The following TRIM2 variants were observed in gnomAD, a reference collection of about 807,000 sequenced individuals.
TRIM2 encodes the protein tripartite motif containing 2, also known as tripartite motif-containing protein 2.
Under a neutral mutation model 75.2 loss-of-function variants are expected in TRIM2, and 20 were observed. The observed-to-expected ratio is 0.27, with a 90% CI of 0.19 to 0.39. TRIM2 has a LOEUF of 0.39. Ranked by LOEUF, TRIM2 falls within the 10% of genes least tolerant of loss-of-function variation. The pLI, the probability that TRIM2 is intolerant of heterozygous loss-of-function variation, is 1.00. For synonymous variants in TRIM2, 373 were observed against 388.3 expected, an observed-to-expected ratio of 0.96 and a Z score of 0.46; for missense variants, 660 against 990.8, an observed-to-expected ratio of 0.67 and a Z score of 4.48.
rs563602440 is a variant in TRIM2 at position 153,309,319 on chromosome 4, T to C, written c.1511-6166T>C. On this transcript the variant is annotated intron_variant, in intron 6 of 11. Coordinates refer to ENST00000338700, the MANE Select transcript of TRIM2 (RefSeq NM_015271.5). ...TTCCCCCTGTCTCTGATGATCTCGGTAATGTGTCTAGCTTCAACTTTCTCA... is the reference window on the plus strand; with the variant it reads ...TTCCCCCTGTCTCTGATGATCTCGGCAATGTGTCTAGCTTCAACTTTCTCA... 2.0e-5 allele frequency among the ~76,000 whole-genome samples: 3 copies of C among 152,328 alleles called. No homozygotes were observed. In the East Asian group the frequency reaches 5.8e-4, roughly 29 times the overall value.
At chr4:153,222,626 G>A (rs1247929723) in intron 1 of TRIM2, 2 of 152,156 alleles carry the variant, frequency 1.3e-5, no homozygotes, top group African/African-American at 4.8e-5. Flanking sequence ...CCTCGCGGTT[G>A]ATGGAAAACA....
chr4:153,183,770 C>T (rs1158086316), intron 1 of TRIM2, among the ~76,000 whole-genome samples: 1 of 151,966 alleles, frequency 6.6e-6, no homozygotes. Context: ...TAGAAAGAGC[C>T]CAGGGGACCC....
upstream of TRIM2, among the ~76,000 whole-genome samples, chr4:153,203,964 G>A (rs542400987): frequency 6.6e-6 from 1 of 152,290 alleles, no homozygotes; most frequent in South Asian, 2.1e-4. Flanking sequence ...CTGTAGATGA[G>A]GTGAGTGCTC....
rs1448728110 is a variant in TRIM2, at chr4:153,315,960, T to C, written c.1743T>C (p.Asn581=). ...SGDIIIADYD[N]KWVSIFSSDG... is the part of the protein sequence containing the mutation. ...ACATAATCATTGCCGATTATGATAATAAATGGGTCAGCATTTTCTCCTCCG... is the reference window on the plus strand; with the variant it reads ...ACATAATCATTGCCGATTATGATAACAAATGGGTCAGCATTTTCTCCTCCG... The change falls in exon 8 of 12, where the codon AAT becomes AAC. Residue 581 remains asparagine, a synonymous_variant. Coordinates refer to ENST00000338700, the MANE Select transcript of TRIM2 (RefSeq NM_015271.5). The C allele has an allele frequency of 1.3e-6, 2 of 1,598,160 alleles. No individual in the cohort carries two copies. The highest frequency in any genetic ancestry group is 1.7e-6 in the Non-Finnish European group (2 of 1,173,726).
upstream of TRIM2, chr4:153,152,432 A>C (rs1203436935): frequency 2.3e-5 from 2 of 86,792 alleles, no homozygotes; most frequent in Admixed American, 2.2e-4. Flanking sequence ...ATATATATAC[A>C]CACATATATA....
At chr4:153,252,712 C>T (rs1213672919) in intron 1 of TRIM2, among the ~76,000 whole-genome samples, 1 of 152,152 alleles carries the variant, frequency 6.6e-6, no homozygotes, top group Admixed American at 6.5e-5. Context: ...GTTTCACTAT[C>T]TTGGCCAGGC....
chr4:153,339,308 GT>G lies in TRIM2; in HGVS notation c.*4346del, dbSNP rs1772833395. 1 of 490,996 alleles carries G rather than the reference GT, an allele frequency of 2.0e-6. No individual in the cohort carries two copies. The highest frequency in any genetic ancestry group is 2.1e-5 in the African/African-American group (1 of 47,420). 30.4% of individuals were successfully genotyped at this position (490,996 alleles called of 1,614,324 possible). On this transcript the variant is annotated 3_prime_UTR_variant, in exon 12 of 12. Transcript: ENST00000338700. ...ATCTCAAATCATTATAATAAAGCTT[GT>G]TTTCTCCATTTGCAGAGTGAATATT...
At chr4:153,234,706 G>C (rs1744555906) in intron 1 of TRIM2, among the ~76,000 whole-genome samples, 1 of 152,170 alleles carries the variant, frequency 6.6e-6, no homozygotes, top group African/African-American at 2.4e-5. Context: ...GGTAGCATTA[G>C]GTGCTGTGCC....
intron 1 of TRIM2, among the ~76,000 whole-genome samples, chr4:153,195,174 C>G (rs564114233): frequency 6.6e-6 from 1 of 152,216 alleles, no homozygotes; most frequent in African/African-American, 2.4e-5. Flanking sequence ...GAGGGAAGGC[C>G]ATGTGAAGAC....
At chr4:153,333,979 C>T (rs1772053248) in intron 11 of TRIM2, among the ~76,000 whole-genome samples, 1 of 151,852 alleles carries the variant, frequency 6.6e-6, no homozygotes, top group African/African-American at 2.4e-5. Flanking sequence ...TTACAACCCA[C>T]TCTTTTCTAA....
At chr4:153,214,805 T>C (rs994601333) in intron 1 of TRIM2, among the ~76,000 whole-genome samples, 10 of 152,196 alleles carry the variant, frequency 6.6e-5, no homozygotes, top group African/African-American at 2.4e-4. Flanking sequence ...TAAATCTGTG[T>C]TTTGACAAGC....
chr4:153,168,273 A>C (rs1338546789), intron 1 of TRIM2, among the ~76,000 whole-genome samples: 2 of 152,234 alleles, frequency 1.3e-5, no homozygotes, highest in African/African-American at 4.8e-5. Flanking sequence ...AAAGTTATCC[A>C]TGATATATTC....
In TRIM2 at chr4:153,295,425, T is replaced by G; in HGVS notation, c.899T>G (p.Val300Gly). The change falls in exon 6 of 12, where the codon GTG becomes GGG. Residue 300 changes from valine to glycine, a missense_variant. Physicochemically the swap from Val to Gly is moderately radical, Grantham distance 109 (BLOSUM62 -3). This residue lies in a region of TRIM2 where 620 missense variants were observed against 891.0 expected (regional missense o/e 0.70). Coordinates refer to ENST00000338700, the MANE Select transcript of TRIM2 (RefSeq NM_015271.5). The surrounding 1 kb of genome is among the most constrained non-coding windows in gnomAD (Gnocchi z 7.2). ...NHGTETEVLL[V>G]KKQMSEKLNE... ...GGCACGGAGACCGAGGTCCTACTGG[T>G]GAAGAAGCAGATGAGCGAGAAGCTG... is the stretch of plus-strand genomic sequence containing the variant. The G allele has an allele frequency of 6.2e-7, 1 of 1,613,940 alleles. No homozygotes were observed. The highest frequency in any genetic ancestry group is 8.5e-7 in the Non-Finnish European group (1 of 1,179,960).
chr4:153,280,726 C>G (rs1187621364), intron 3 of TRIM2, among the ~76,000 whole-genome samples: 1 of 151,800 alleles, frequency 6.6e-6, no homozygotes, highest in Non-Finnish European at 1.5e-5. Flanking sequence ...GCTCTGTTGC[C>G]CAGGCTGGAG....
upstream of TRIM2, among the ~76,000 whole-genome samples, chr4:153,202,235 AACT>A (rs1734439423): frequency 6.6e-6 from 1 of 152,350 alleles, no homozygotes; most frequent in Admixed American, 6.5e-5. Context: ...TCATTTTGAC[AACT>A]ACTGTGTTCA....
At chr4:153,176,859 C>T (rs143087478) in intron 1 of TRIM2, among the ~76,000 whole-genome samples, 1 of 152,316 alleles carries the variant, frequency 6.6e-6, no homozygotes, top group East Asian at 1.9e-4. Flanking sequence ...GATCCACCCG[C>T]CTCGGCTTCC....
intron 1 of TRIM2, among the ~76,000 whole-genome samples, chr4:153,197,197 C>T (rs771703068): frequency 1.3e-5 from 2 of 152,142 alleles, no homozygotes; most frequent in Non-Finnish European, 2.9e-5. Flanking sequence ...ATGGAGCTTC[C>T]AGGTAGTAAG....
At chr4:153,238,353 G>C (rs994992900) in intron 1 of TRIM2, among the ~76,000 whole-genome samples, 1 of 148,584 alleles carries the variant, frequency 6.7e-6, no homozygotes, top group African/African-American at 2.6e-5. Context: ...TTCACAATTT[G>C]TACCCAAGCA....
intron 6 of TRIM2, among the ~76,000 whole-genome samples, chr4:153,311,197 C>A (rs1046411097): frequency 5.9e-5 from 9 of 152,140 alleles, no homozygotes; most frequent in East Asian, 3.8e-4. Context: ...ACTGAAAAAA[C>A]GTGTGCTTAT....
Sources: allele counts gnomAD v4.1 joint callset (sites outside exome capture counted in the v4.1 genomes callset), GRCh38; gene constraint gnomAD v4.1.1; regional missense constraint gnomAD v4.1.1; non-coding constraint Gnocchi (gnomAD v3.1); transcripts MANE v1.5; gene names NCBI Gene and HGNC (gene_info 2026-07-23, HGNC 2026-07-21).